The following SCN3A variants were observed in gnomAD, a reference collection of about 807,000 sequenced individuals.
The protein encoded by SCN3A is sodium voltage-gated channel alpha subunit 3.
Under a neutral mutation model 187.6 loss-of-function variants are expected in SCN3A, and 60 were observed. The ratio of observed to expected loss-of-function variants is 0.32; its 90% confidence interval spans 0.26 to 0.40. SCN3A has a LOEUF of 0.40. Ranked by LOEUF, SCN3A falls within the 10% of genes least tolerant of loss-of-function variation. SCN3A has a pLI of 1.00. For synonymous variants in SCN3A, 788 were observed against 829.2 expected, an observed-to-expected ratio of 0.95 and a Z score of 0.85; for missense variants, 1,601 against 2,428.2, an observed-to-expected ratio of 0.66 and a Z score of 7.16.
chr2:165,196,239 A>T (rs1389626496), intron 1 of SCN3A, among the ~76,000 whole-genome samples: 1 of 152,018 alleles, frequency 6.6e-6, no homozygotes. Context: ...GGACACAAGC[A>T]CTGTGTCACA....
At chr2:165,147,293 GGGTT>G (rs1280687562) in intron 11 of SCN3A, among the ~76,000 whole-genome samples, 1 of 136,184 alleles carries the variant, frequency 7.3e-6, no homozygotes, top group African/African-American at 2.8e-5. Flanking sequence ...TGGGGGGGGG[GGGTT>G]GGTGACAACT....
chr2:165,199,666 T>G (rs971618436), intron 1 of SCN3A, among the ~76,000 whole-genome samples: 2 of 152,004 alleles, frequency 1.3e-5, no homozygotes, highest in African/African-American at 4.8e-5. Context: ...TTTTAAAGAA[T>G]TATTCTACTT....
At chr2:165,170,748 C>T (rs559607397) in intron 3 of SCN3A, among the ~76,000 whole-genome samples, 200 bp from the exon 4 acceptor site, 1 of 151,960 alleles carries the variant, frequency 6.6e-6, no homozygotes, top group Non-Finnish European at 1.5e-5. Flanking sequence ...TTTACTATTA[C>T]CTAATCTATC....
intron 21 of SCN3A, among the ~76,000 whole-genome samples, chr2:165,111,774 T>C (rs1187598195): frequency 6.6e-6 from 1 of 152,220 alleles, no homozygotes; most frequent in Non-Finnish European, 1.5e-5. Flanking sequence ...TTTCCATTTG[T>C]GCATAGCTTT....
At chr2:165,153,756 ACTGGCATGAATCAGATTT>A (rs2105857912) in intron 11 of SCN3A, among the ~76,000 whole-genome samples, 1 of 152,262 alleles carries the variant, frequency 6.6e-6, no homozygotes, top group African/African-American at 2.4e-5. Context: ...TATAATTCTA[ACTGGCATGAATCAGATTT>A]TTACTATATA....
rs941607654 is a variant in SCN3A at position 165,139,361 on chromosome 2, G to T, written c.2152+115C>A. 3 of 1,366,698 alleles carry T rather than the reference G, an allele frequency of 2.2e-6. No individual in the cohort carries two copies. The African/African-American group carries it at 4.3e-5, about 19-fold the overall frequency. The allele number at this position is 1,366,698 out of a possible 1,614,324, so 84.7% of individuals were successfully genotyped here. On this transcript the variant is annotated intron_variant, in intron 14 of 27. Transcript: ENST00000283254. ...TGTACTCCATATATCACATTCTTAGGTCTAATATATAGTTTCGATCTGGGT... is the reference window on the plus strand; with the variant it reads ...TGTACTCCATATATCACATTCTTAGTTCTAATATATAGTTTCGATCTGGGT...
chr2:165,160,241 C>T (rs745765817), intron 9 of SCN3A, among the ~76,000 whole-genome samples: 6 of 152,190 alleles, frequency 3.9e-5, no homozygotes, highest in African/African-American at 2.4e-5. Context: ...CATTTGAGAT[C>T]AGGCTCCCAC....
intron 2 of SCN3A, among the ~76,000 whole-genome samples, chr2:165,180,081 T>C (rs1012003040): frequency 2.6e-5 from 4 of 152,164 alleles, no homozygotes; most frequent in African/African-American, 9.7e-5. Flanking sequence ...ATGATCTCTT[T>C]AACTAAAAAC....
chr2:165,170,394 G>A, intron 4 of SCN3A, 36 bp downstream of exon 4: 1 of 1,181,710 alleles, frequency 8.5e-7, no homozygotes, highest in Non-Finnish European at 1.3e-6. Context: ...TCAACTGTTA[G>A]AAATAGCATT....
At position 165,162,569 on chromosome 2, in the gene SCN3A, G is replaced by A; in HGVS notation, c.954C>T (p.Tyr318=). Residue 318 remains tyrosine (Y), a synonymous_variant, in exon 8 of 28, where the codon TAC becomes TAT. Coordinates refer to ENST00000283254, the MANE Select transcript of SCN3A (RefSeq NM_006922.4). ...VTMSTFNWKD[Y]IGDDSHFYVL... Reference sequence around the variant, plus strand: ...AATACTTCTTACTGTCATCTCCAATGTAATCCTTCCAGTTAAATGTGCTCA... The same window carrying A: ...AATACTTCTTACTGTCATCTCCAATATAATCCTTCCAGTTAAATGTGCTCA... 6.2e-7 allele frequency: 1 copy of A among 1,614,028 alleles called. No individual in the cohort carries two copies. The highest frequency in any genetic ancestry group is 1.3e-5 in the African/African-American group (1 of 75,026).
At chr2:165,154,331 A>G (rs1172916701) in intron 11 of SCN3A, 121 bp downstream of exon 11, 1 of 1,084,214 alleles carries the variant, frequency 9.2e-7, no homozygotes, top group South Asian at 1.5e-5. Flanking sequence ...TTTTTTTTCT[A>G]ATGACAATGC....
intron 2 of SCN3A, among the ~76,000 whole-genome samples, chr2:165,184,483 G>GAAAAAAAAA (rs397986547): frequency 3.4e-5 from 2 of 59,572 alleles, no homozygotes; most frequent in African/African-American, 5.2e-5. Flanking sequence ...GTCTAGTTCA[G>GAAAAAAAAA]AAAAAAAAAA....
At chr2:165,163,099 CTT>C (rs1318662757) in intron 7 of SCN3A, among the ~76,000 whole-genome samples, 1 of 152,080 alleles carries the variant, frequency 6.6e-6, no homozygotes, top group Non-Finnish European at 1.5e-5. Context: ...TACAAAAAAA[CTT>C]GGAGTTATTT....
intron 18 of SCN3A, among the ~76,000 whole-genome samples, chr2:165,123,232 A>T (rs914919519): frequency 1.3e-5 from 2 of 152,136 alleles, no homozygotes; most frequent in Non-Finnish European, 1.5e-5. Flanking sequence ...AACTTTTTTC[A>T]TGCAAAAGTT....
Position 165,176,048 on chromosome 2 carries a change from A to G in SCN3A, c.264+83T>C, listed in dbSNP as rs1220140365. The G allele has an allele frequency of 7.0e-6, 9 of 1,287,884 alleles. No homozygotes were observed. The South Asian group carries it at 1.2e-4, about 17-fold the overall frequency. The allele number at this position is 1,287,884 out of a possible 1,614,324, so 79.8% of individuals were successfully genotyped here. ...AATCTTTAACAGAAGAAAAATTGTG[A>G]TGCTGTATATAAGGCCCAGAAAAGT... On this transcript the variant is annotated intron_variant, in intron 3 of 27. Transcript: ENST00000283254.
At chr2:165,103,454 C>A (rs752021388) in intron 21 of SCN3A, among the ~76,000 whole-genome samples, 33 of 152,178 alleles carry the variant, frequency 2.2e-4, no homozygotes, top group Non-Finnish European at 4.3e-4. Context: ...GTGCTAAACA[C>A]AAAAGGCACT....
intron 1 of SCN3A, among the ~76,000 whole-genome samples, chr2:165,194,220 TCTC>T (rs1276301170): frequency 2.6e-5 from 4 of 152,286 alleles, no homozygotes; most frequent in Non-Finnish European, 5.9e-5. Flanking sequence ...ACACATGAGA[TCTC>T]AGATGTTTCG....
chr2:165,170,681 A>G lies in SCN3A; in HGVS notation c.265-133T>C, dbSNP rs185440584. Reference sequence around the variant, plus strand: ...GTTTGTTTAAACCAGTTGATATATCATAACTACAAACATGTTAGATGTTTA... The same window carrying G: ...GTTTGTTTAAACCAGTTGATATATCGTAACTACAAACATGTTAGATGTTTA... On this transcript the variant is annotated intron_variant, in intron 3 of 27. Coordinates refer to ENST00000283254, the MANE Select transcript of SCN3A (RefSeq NM_006922.4). 4.0e-4 allele frequency: 254 copies of G among 634,412 alleles called. 1 individual carries two copies. In the African/African-American group the frequency reaches 4.1e-3, roughly 10 times the overall value. 39.3% of individuals were successfully genotyped at this position (634,412 alleles called of 1,614,324 possible).
At chr2:165,157,189 C>T (rs1231618622) in intron 9 of SCN3A, among the ~76,000 whole-genome samples, 1 of 152,118 alleles carries the variant, frequency 6.6e-6, no homozygotes, top group African/African-American at 2.4e-5. Flanking sequence ...GGATTACAGG[C>T]GAGAGCCACC....
Sources: gnomAD v4.1 joint callset for allele counts (sites outside exome capture counted in the v4.1 genomes callset) on GRCh38, gnomAD v4.1.1 for gene constraint, MANE v1.5 for transcripts, NCBI Gene and HGNC (gene_info 2026-07-23, HGNC 2026-07-21) for gene names.